The following CDH12 variants were observed in gnomAD, a reference collection of about 807,000 sequenced individuals.
CDH12 encodes the protein cadherin 12, also known as cadherin-12.
A neutral mutation model predicts 74.1 loss-of-function variants in CDH12; 41 were observed. The observed-to-expected ratio is 0.55, with a 90% CI of 0.43 to 0.72. The LOEUF is 0.72. Among genes scored for constraint, CDH12 ranks in the 30% least tolerant of loss-of-function variants. CDH12 has a pLI of 0.00. For missense variants in CDH12, 945 were observed against 977.2 expected, an observed-to-expected ratio of 0.97 and a Z score of 0.44; for synonymous variants, 399 against 355.0, an observed-to-expected ratio of 1.12 and a Z score of -1.39.
At chr5:21,950,234 A>G (rs1376586306) in intron 6 of CDH12, among the ~76,000 whole-genome samples, 2 of 152,220 alleles carry the variant, frequency 1.3e-5, no homozygotes, top group Non-Finnish European at 2.9e-5. Context: ...AGGTTATGCT[A>G]TCTCTATTTA....
intron 1 of CDH12, among the ~76,000 whole-genome samples, chr5:22,837,562 G>A (rs750786328): frequency 5.8e-4 from 88 of 152,258 alleles, no homozygotes; most frequent in Middle Eastern, 3.4e-3. Flanking sequence ...CCAATAGGTT[G>A]TTGACATTTT....
intron 2 of CDH12, among the ~76,000 whole-genome samples, chr5:22,489,135 G>A (rs1746744122): frequency 7.3e-6 from 1 of 137,862 alleles, no homozygotes; most frequent in African/African-American, 2.8e-5. Context: ...TCGGCTCACT[G>A]CAAGCTCCAC....
intron 3 of CDH12, among the ~76,000 whole-genome samples, chr5:22,284,987 G>A (rs1000575563): frequency 3.4e-5 from 5 of 149,016 alleles, no homozygotes; most frequent in African/African-American, 1.2e-4. Context: ...ACAATTAAGT[G>A]TGTGTAAAGA....
intron 1 of CDH12, among the ~76,000 whole-genome samples, chr5:22,831,740 CA>C (rs368893332): frequency 4.0e-5 from 6 of 151,272 alleles, no homozygotes; most frequent in South Asian, 2.1e-4. Flanking sequence ...ACTAAAAATA[CA>C]AAAAAAATTA....
chr5:22,200,222 T>C (rs894869953), intron 4 of CDH12, among the ~76,000 whole-genome samples: 1 of 152,154 alleles, frequency 6.6e-6, no homozygotes, highest in African/African-American at 2.4e-5. Flanking sequence ...AGGATGTGCT[T>C]TTTGACTACT....
rs774020012 is a variant in CDH12, at chr5:22,553,022, T to C, written c.-522-47658A>G. ...TCTTTTAATGGGTAGGCATTTCTAC[T>C]TGTTTGTTTCCAATAAATGCCTACA... On this transcript the variant is annotated intron_variant, in intron 1 of 14. Coordinates refer to ENST00000382254, the MANE Select transcript of CDH12 (RefSeq NM_004061.5). Among the ~76,000 whole-genome samples, 8 of 152,180 alleles carry C rather than the reference T, an allele frequency of 5.3e-5. No individual in the cohort carries two copies. In the South Asian group the frequency reaches 6.2e-4, roughly 12 times the overall value.
intron 8 of CDH12, 50 bp downstream of exon 8, chr5:21,842,111 A>T: frequency 2.1e-6 from 3 of 1,431,780 alleles, no homozygotes; most frequent in Non-Finnish European, 2.9e-6. Flanking sequence ...TGACACCATT[A>T]AATTTTTTTA....
At chr5:22,029,596 T>C (rs1738665128) in intron 5 of CDH12, among the ~76,000 whole-genome samples, 1 of 152,072 alleles carries the variant, frequency 6.6e-6, no homozygotes, top group African/African-American at 2.4e-5. Flanking sequence ...TGGCAATCAT[T>C]AAAAAGTCAG....
chr5:21,751,813 T>A lies in CDH12; in HGVS notation c.2309A>T (p.Asp770Val). 6.2e-7 allele frequency: 1 copy of A among 1,614,102 alleles called. No individual in the cohort carries two copies. Among genetic ancestry groups the A allele is most frequent in the Non-Finnish European group, 8.5e-7 (1 of 1,179,990 alleles). Reference sequence around the variant, plus strand: ...CAAGACTTTAAAGCGGGGTCCCCAGTCTGTCAGATAGTCATAGTCCTGGTC... The same window carrying A: ...CAAGACTTTAAAGCGGGGTCCCCAGACTGTCAGATAGTCATAGTCCTGGTC... ...EADQDYDYLT[D>V]WGPRFKVLAD... The change falls in exon 15 of 15, where the codon GAC (aspartate) becomes GTC (valine). Residue 770 changes from aspartate (D) to valine (V), a missense_variant. This residue lies in a region of CDH12 where 791 missense variants were observed against 792.8 expected (regional missense o/e 1.00). Transcript: ENST00000382254.
At chr5:22,691,309 AT>A (rs1742072089) in intron 1 of CDH12, among the ~76,000 whole-genome samples, 1 of 152,120 alleles carries the variant, frequency 6.6e-6, no homozygotes, top group Admixed American at 6.5e-5. Context: ...TGATATTACT[AT>A]TAGTTAACTT....
chr5:22,248,048 G>C lies in CDH12; in HGVS notation c.-332-35405C>G, dbSNP rs141009605. ...ACAGTGGCTCACGCCTGTAATCCAA[G>C]CACTTTGGGAGGCCGAGGTTTGTGG... On this transcript the variant is annotated intron_variant, in intron 3 of 14. Transcript: ENST00000382254. Among the ~76,000 whole-genome samples the C allele has an allele frequency of 8.5e-5, 13 of 152,262 alleles. No homozygotes were observed. The East Asian group carries it at 2.5e-3, about 29-fold the overall frequency.
At chr5:21,818,439 A>C (rs1561211206) in intron 8 of CDH12, among the ~76,000 whole-genome samples, 1 of 151,922 alleles carries the variant, frequency 6.6e-6, no homozygotes, top group Non-Finnish European at 1.5e-5. Flanking sequence ...ATTTCCCATT[A>C]TTTTTTGAGG....
intron 1 of CDH12, among the ~76,000 whole-genome samples, chr5:22,663,010 A>G (rs1353781350): frequency 6.6e-6 from 1 of 152,206 alleles, no homozygotes; most frequent in African/African-American, 2.4e-5. Context: ...TTATAATAAT[A>G]TTAACTATCC....
intron 1 of CDH12, among the ~76,000 whole-genome samples, chr5:22,584,010 T>C (rs1248472196): frequency 1.3e-5 from 2 of 152,116 alleles, no homozygotes; most frequent in African/African-American, 4.8e-5. Context: ...AATGTATCCA[T>C]CAAACTATTA....
At chr5:22,299,681 A>G (rs1737784394) in intron 3 of CDH12, among the ~76,000 whole-genome samples, 1 of 152,170 alleles carries the variant, frequency 6.6e-6, no homozygotes. Flanking sequence ...CTGTAACTTT[A>G]TGCTCTGGAT....
intron 1 of CDH12, among the ~76,000 whole-genome samples, chr5:22,520,575 GA>G (rs536696170): frequency 2.0e-5 from 3 of 151,858 alleles, no homozygotes; most frequent in African/African-American, 2.4e-5. Context: ...TTAAAATACA[GA>G]AAAAAATAGG....
At chr5:22,087,370 T>C (rs751464248) in intron 4 of CDH12, among the ~76,000 whole-genome samples, 14 of 152,130 alleles carry the variant, frequency 9.2e-5, no homozygotes, top group Admixed American at 3.9e-4. Flanking sequence ...TCGGGTGTGA[T>C]GGCTCACACC....
chr5:22,545,741 TATACTC>T (rs1738295225), intron 1 of CDH12, among the ~76,000 whole-genome samples: 1 of 152,228 alleles, frequency 6.6e-6, no homozygotes. Flanking sequence ...AAAATATAAT[TATACTC>T]ATTCTATTTT....
At chr5:22,069,374 A>G (rs1056050490) in intron 5 of CDH12, among the ~76,000 whole-genome samples, 1 of 152,114 alleles carries the variant, frequency 6.6e-6, no homozygotes, top group Non-Finnish European at 1.5e-5. Flanking sequence ...GAGACTAAAA[A>G]TGCTCTGAAT....
Sources: gnomAD v4.1 joint callset for allele counts (sites outside exome capture counted in the v4.1 genomes callset) on GRCh38, gnomAD v4.1.1 for gene constraint, gnomAD v4.1.1 regional missense constraint, MANE v1.5 for transcripts, NCBI Gene and HGNC (gene_info 2026-07-23, HGNC 2026-07-21) for gene names.